The following SPON1 variants were observed in gnomAD, a reference collection of about 807,000 sequenced individuals.
SPON1 encodes the protein spondin 1, also known as spondin-1.
SPON1 carries 52 observed loss-of-function variants against 111.7 expected under a neutral mutation model. That is an observed-to-expected ratio of 0.47 (90% confidence interval 0.37 to 0.59). SPON1 has a LOEUF of 0.59. Among genes scored for constraint, SPON1 ranks in the 20% least tolerant of loss-of-function variants. SPON1 has a pLI of 0.00. For missense variants in SPON1, 957 were observed against 1,068.5 expected (o/e 0.90, Z 1.46); for synonymous variants, 410 against 395.8 (o/e 1.04, Z -0.43).
At chr11:13,968,310 C>T (rs1203970333) in intron 1 of SPON1, among the ~76,000 whole-genome samples, 15 of 152,140 alleles carry the variant, frequency 9.9e-5, no homozygotes, top group Non-Finnish European at 1.8e-4. Context: ...TCCATAAGGC[C>T]ATCCAGGAAC....
chr11:14,072,116 C>T (rs2133828388), intron 3 of SPON1, among the ~76,000 whole-genome samples: 1 of 152,172 alleles, frequency 6.6e-6, no homozygotes, highest in East Asian at 1.9e-4. Context: ...AAACATATTC[C>T]AGACCACGGG....
chr11:14,245,178 C>T (rs1220267389), intron 7 of SPON1, among the ~76,000 whole-genome samples: 4 of 152,162 alleles, frequency 2.6e-5, no homozygotes, highest in South Asian at 2.1e-4. Context: ...AAAAGGAAGA[C>T]GCCCCAGGAT....
chr11:14,015,171 G>T (rs1377550971), intron 2 of SPON1, among the ~76,000 whole-genome samples: 3 of 152,174 alleles, frequency 2.0e-5, no homozygotes, highest in Non-Finnish European at 2.9e-5. Context: ...GTCCATTCAT[G>T]CTGCTATAAC....
chr11:14,113,987 T>A (rs1257058791), intron 5 of SPON1, among the ~76,000 whole-genome samples: 1 of 152,180 alleles, frequency 6.6e-6, no homozygotes, highest in Non-Finnish European at 1.5e-5. Flanking sequence ...AGGCATGCAA[T>A]GTGAAATAAA....
At chr11:13,978,058 A>G (rs2133778414) in intron 1 of SPON1, among the ~76,000 whole-genome samples, 1 of 152,264 alleles carries the variant, frequency 6.6e-6, no homozygotes, top group South Asian at 2.1e-4. Flanking sequence ...GTCATAAACC[A>G]AGCTTCTGTA....
At chr11:14,258,710 G>T (rs1849138459) in intron 11 of SPON1, among the ~76,000 whole-genome samples, 1 of 152,238 alleles carries the variant, frequency 6.6e-6, no homozygotes, top group Non-Finnish European at 1.5e-5. Flanking sequence ...ACCTCTCCCA[G>T]TGTTGCACTT....
intron 5 of SPON1, among the ~76,000 whole-genome samples, chr11:14,091,133 TAC>T (rs1849052089): frequency 6.6e-6 from 1 of 151,722 alleles, no homozygotes; most frequent in African/African-American, 2.4e-5. Flanking sequence ...AGCAGCTAGA[TAC>T]AGAGTGTCGA....
intron 3 of SPON1, among the ~76,000 whole-genome samples, chr11:14,049,280 C>T (rs1178931182): frequency 2.0e-5 from 3 of 152,054 alleles, no homozygotes; most frequent in Non-Finnish European, 4.4e-5. Flanking sequence ...CTTTTTTTAT[C>T]ACTGCTCTAC....
chr11:14,090,840 C>A lies in SPON1; in HGVS notation c.676+10819C>A, dbSNP rs1316433340. Among the ~76,000 whole-genome samples, 6 of 36,448 alleles carry A rather than the reference C, an allele frequency of 1.6e-4. 1 individual carries two copies. Among genetic ancestry groups the A allele is most frequent in the Non-Finnish European group, 3.8e-4 (6 of 15,808 alleles). 23.9% of individuals were successfully genotyped at this position (36,448 alleles called of 152,430 possible). On this transcript the variant is annotated intron_variant, in intron 5 of 15. Transcript: ENST00000576479. Reference sequence around the variant, plus strand: ...TCTTATCTGGCCCCCCCCCCCCCCCCCCCCGCCCACATCCTGCTGATTGGT... The same window carrying A: ...TCTTATCTGGCCCCCCCCCCCCCCCACCCCGCCCACATCCTGCTGATTGGT...
rs1554921871 is a variant in SPON1 at position 14,079,924 on chromosome 11, C to G, written c.579C>G (p.Asp193Glu). Residue 193 changes from aspartate (D) to glutamate (E), a missense_variant, in exon 5 of 16, where the codon GAC (aspartate) becomes GAG (glutamate). Around this residue, in one of 5 missense-constraint regions of SPON1, gnomAD observed 262 missense variants for 253.9 expected, o/e 1.03. Coordinates refer to ENST00000576479, the MANE Select transcript of SPON1 (RefSeq NM_006108.4). ...EQDSTFDGVT[D>E]KPILDCCACG... is the part of the protein sequence containing the mutation. ...ATTCCACATTTGATGGGGTGACTGACAAACCCATCTTAGACTGCTGTGCCT... is the reference window on the plus strand; with the variant it reads ...ATTCCACATTTGATGGGGTGACTGAGAAACCCATCTTAGACTGCTGTGCCT... 1 of 1,613,958 alleles carries G rather than the reference C, an allele frequency of 6.2e-7. No individual in the cohort carries two copies. The highest frequency in any genetic ancestry group is 1.3e-5 in the African/African-American group (1 of 75,028).
At chr11:13,985,251 A>G (rs1848173385) in intron 2 of SPON1, among the ~76,000 whole-genome samples, 1 of 152,150 alleles carries the variant, frequency 6.6e-6, no homozygotes, top group African/African-American at 2.4e-5. Context: ...CTATTCTCTC[A>G]TTGTTTCCAC....
chr11:14,105,313 T>C (rs1416141698), intron 5 of SPON1, among the ~76,000 whole-genome samples: 6 of 152,156 alleles, frequency 3.9e-5, no homozygotes, highest in African/African-American at 1.4e-4. Flanking sequence ...AGATCTTCTT[T>C]TGCATATTTT....
intron 6 of SPON1, among the ~76,000 whole-genome samples, chr11:14,174,718 A>G (rs561468265): frequency 6.6e-6 from 1 of 152,118 alleles, no homozygotes; most frequent in Non-Finnish European, 1.5e-5. Flanking sequence ...AGAAGAAAAA[A>G]CCTTTTTCCA....
intron 5 of SPON1, among the ~76,000 whole-genome samples, chr11:14,116,256 C>CT (rs1313831475): frequency 6.6e-6 from 1 of 151,870 alleles, no homozygotes; most frequent in Non-Finnish European, 1.5e-5. Context: ...TCCACATTAT[C>CT]TTTTTTTTGT....
In SPON1 at chr11:14,267,505, T is replaced by C. The variant is rs1554942606; in HGVS notation, c.*1818T>C. The C allele has an allele frequency of 1.3e-5, 2 of 152,198 alleles. No homozygotes were observed. Among genetic ancestry groups the C allele is most frequent in the East Asian group, 3.9e-4 (2 of 5,188 alleles). The allele number at this position is 152,198 out of a possible 1,614,324, so 9.4% of individuals were successfully genotyped here. ...GCAATGTTGTTCTAAGCTATCTATC[T>C]AACTCTCAGCCCATGATAAAGTTCC... On this transcript the variant is annotated 3_prime_UTR_variant, in exon 16 of 16. Transcript: ENST00000576479.
chr11:14,000,771 C>G (rs1848311429), intron 2 of SPON1, among the ~76,000 whole-genome samples: 1 of 152,116 alleles, frequency 6.6e-6, no homozygotes. Context: ...ACAGCTTGTA[C>G]TTATGTGGCT....
chr11:13,976,536 G>A (rs904932744), intron 1 of SPON1, among the ~76,000 whole-genome samples: 11 of 152,134 alleles, frequency 7.2e-5, no homozygotes, highest in African/African-American at 2.4e-4. Flanking sequence ...CATCTCATGT[G>A]TTATATTTAA....
In SPON1 at chr11:14,135,335, C is replaced by A; in HGVS notation, c.677-85C>A. 6.9e-7 allele frequency: 1 copy of A among 1,453,992 alleles called. No homozygotes were observed. Among genetic ancestry groups the A allele is most frequent in the Non-Finnish European group, 9.4e-7 (1 of 1,061,632 alleles). 90.1% of individuals were successfully genotyped at this position (1,453,992 alleles called of 1,614,324 possible). On this transcript the variant is annotated intron_variant, in intron 5 of 15. Coordinates refer to ENST00000576479, the MANE Select transcript of SPON1 (RefSeq NM_006108.4). This position sits in a 1 kb window ranked among gnomAD's most constrained non-coding sequence, Gnocchi z 4.4. ...AGTCAGTGCTCTTTGAATCGATGTC[C>A]AATTACGCATCCTCCCCATCATTTA...
chr11:14,227,560 A>G (rs1037866126), intron 6 of SPON1, among the ~76,000 whole-genome samples: 1 of 152,194 alleles, frequency 6.6e-6, no homozygotes, highest in Non-Finnish European at 1.5e-5. Context: ...TTTCCAGGCC[A>G]GGCTTGGAAA....
Sources: allele counts gnomAD v4.1 joint callset (sites outside exome capture counted in the v4.1 genomes callset), GRCh38; gene constraint gnomAD v4.1.1; regional missense constraint gnomAD v4.1.1; non-coding constraint Gnocchi (gnomAD v3.1); transcripts MANE v1.5; gene names NCBI Gene and HGNC (gene_info 2026-07-23, HGNC 2026-07-21).